The following NACC2 variants were observed in gnomAD, a reference collection of about 807,000 sequenced individuals.
NACC2 encodes the protein NACC family member 2.
Under a neutral mutation model 25.1 loss-of-function variants are expected in NACC2, and 8 were observed. The ratio of observed to expected loss-of-function variants is 0.32; its 90% CI spans 0.19 to 0.57. The LOEUF is 0.57. Ranked by LOEUF, NACC2 falls within the 20% of genes least tolerant of loss-of-function variation. NACC2 has a pLI of 0.89. For synonymous variants in NACC2, 435 were observed against 294.7 expected (o/e 1.48, Z -4.88); for missense variants, 644 against 650.2 (o/e 0.99, Z 0.10).
At chr9:136,062,394 C>A (rs1280528752) in intron 1 of NACC2, among the ~76,000 whole-genome samples, 1 of 152,142 alleles carries the variant, frequency 6.6e-6, no homozygotes, top group Non-Finnish European at 1.5e-5. Context: ...AGATTTCTCT[C>A]TATAGAAAAG....
intron 1 of NACC2, among the ~76,000 whole-genome samples, chr9:136,073,373 T>G (rs1275233888): frequency 6.6e-6 from 1 of 152,044 alleles, no homozygotes; most frequent in Non-Finnish European, 1.5e-5. Flanking sequence ...AAGGCTGCAG[T>G]GAGCTGTGGT....
chr9:136,094,306 C>T (rs184767764), intron 1 of NACC2, among the ~76,000 whole-genome samples: 3 of 152,174 alleles, frequency 2.0e-5, no homozygotes, highest in Admixed American at 1.3e-4. Context: ...GGCCTCGCGG[C>T]CTTCAGACCC....
In NACC2 at chr9:136,022,681, G is replaced by A. The variant is rs1431825394; in HGVS notation, c.887-6252C>T. On this transcript the variant is annotated intron_variant, in intron 2 of 5. Transcript: ENST00000277554. The surrounding 1 kb of genome is among the most constrained non-coding windows in gnomAD (Gnocchi z 4.4). ...CCCCAGGGCCTGGCACACAGCATGC[G>A]CCTAACACACAGGGCCCATCAACTA... Among the ~76,000 whole-genome samples, 1 of 152,106 alleles carries A rather than the reference G, an allele frequency of 6.6e-6. No individual in the cohort carries two copies. Among genetic ancestry groups the A allele is most frequent in the East Asian group, 1.9e-4 (1 of 5,166 alleles).
At chr9:136,046,019 G>A (rs928456435) in intron 2 of NACC2, among the ~76,000 whole-genome samples, 1 of 152,202 alleles carries the variant, frequency 6.6e-6, no homozygotes, top group Admixed American at 6.5e-5. Flanking sequence ...GAATGCAGCC[G>A]CACCCTGGGG....
chr9:136,051,570 C>T (rs1588572433), intron 1 of NACC2, among the ~76,000 whole-genome samples: 1 of 151,958 alleles, frequency 6.6e-6, no homozygotes, highest in Admixed American at 6.6e-5. Flanking sequence ...GCACAAAGGC[C>T]GCTGTGTCCC....
rs763409492 is a variant in NACC2 at position 136,009,696 on chromosome 9, G to C, written c.*1820C>G. 6.6e-6 allele frequency: 1 copy of C among 152,302 alleles called. No homozygotes were observed. The allele number at this position is 152,302 out of a possible 1,614,324, so 9.4% of individuals were successfully genotyped here. On this transcript the variant is annotated 3_prime_UTR_variant, in exon 6 of 6. Transcript: ENST00000277554. ...GAAAGGAGCCGCCCAGTGGGAATGC[G>C]TCTAACCCACACCCTGTAGGTCCCC... is the stretch of plus-strand genomic sequence containing the variant.
chr9:136,022,884 A>G lies in NACC2; in HGVS notation c.887-6455T>C, dbSNP rs1260317301. Among the ~76,000 whole-genome samples the G allele has an allele frequency of 1.3e-5, 2 of 148,226 alleles. No individual in the cohort carries two copies. The highest frequency in any genetic ancestry group is 4.1e-4 in the East Asian group (2 of 4,922). The stretch of plus-strand genomic sequence containing the variant: ...CACGCCATAACTGGGAAGGCAAACC[A>G]TCACCAATTACCACGCCATGCCACG... On this transcript the variant is annotated intron_variant, in intron 2 of 5. Coordinates refer to ENST00000277554, the MANE Select transcript of NACC2 (RefSeq NM_144653.5). This position sits in a 1 kb window ranked among gnomAD's most constrained non-coding sequence, Gnocchi z 4.4.
At chr9:136,065,976 C>T (rs1277608293) in intron 1 of NACC2, among the ~76,000 whole-genome samples, 9 of 151,848 alleles carry the variant, frequency 5.9e-5, no homozygotes, top group Non-Finnish European at 4.4e-5. Flanking sequence ...GGTGGATAAC[C>T]TGAGGTCAGG....
rs142724330 is a variant in NACC2, at chr9:136,068,878, G to A, written c.-59-18298C>T. On this transcript the variant is annotated intron_variant, in intron 1 of 5. Coordinates refer to ENST00000277554, the MANE Select transcript of NACC2 (RefSeq NM_144653.5). The stretch of plus-strand genomic sequence containing the variant: ...ATCAATAATTCCATTAAATGTAAAT[G>A]ATCTAAATACACCCATTAAAAGACA... Among the ~76,000 whole-genome samples the A allele has an allele frequency of 3.5e-3, 528 of 150,056 alleles. 4 individuals are homozygous for A. Among genetic ancestry groups the A allele is most frequent in the Non-Finnish European group, 5.9e-3 (396 of 67,658 alleles).
intron 1 of NACC2, among the ~76,000 whole-genome samples, chr9:136,093,835 C>T (rs1830457797): frequency 6.6e-6 from 1 of 152,064 alleles, no homozygotes. Flanking sequence ...GGGGCGGGGG[C>T]TGCCTGAACC....
chr9:136,075,078 T>G (rs973376636), intron 1 of NACC2, among the ~76,000 whole-genome samples: 2 of 152,210 alleles, frequency 1.3e-5, no homozygotes, highest in African/African-American at 4.8e-5. Context: ...TGGTTCTGCG[T>G]GAAATGAGCC....
At chr9:136,038,651 T>C (rs983681071) in intron 2 of NACC2, among the ~76,000 whole-genome samples, 1 of 152,252 alleles carries the variant, frequency 6.6e-6, no homozygotes, top group Non-Finnish European at 1.5e-5. Context: ...GATTACTTTA[T>C]GGTAAAAATT....
chr9:136,047,821 T>C (rs1840753061), intron 2 of NACC2, among the ~76,000 whole-genome samples: 1 of 152,026 alleles, frequency 6.6e-6, no homozygotes, highest in South Asian at 2.1e-4. Flanking sequence ...CCAGGCGATG[T>C]GAGGGCTTAA....
intron 2 of NACC2, among the ~76,000 whole-genome samples, chr9:136,035,339 A>G (rs1840535455): frequency 6.6e-6 from 1 of 152,106 alleles, no homozygotes; most frequent in Non-Finnish European, 1.5e-5. Flanking sequence ...TGACGCACTG[A>G]GAAGGTTCCG....
chr9:136,093,972 G>A (rs1286231803), intron 1 of NACC2, among the ~76,000 whole-genome samples: 2 of 152,252 alleles, frequency 1.3e-5, no homozygotes, highest in Admixed American at 6.5e-5. Context: ...ACGAAAAGAG[G>A]GGTGGGTGAG....
Position 136,055,891 on chromosome 9 carries a change from GAGA to G in NACC2, c.-59-5314_-59-5312del, listed in dbSNP as rs1840917349. On this transcript the variant is annotated intron_variant, in intron 1 of 5. Coordinates refer to ENST00000277554, the MANE Select transcript of NACC2 (RefSeq NM_144653.5). The surrounding 1 kb of genome is among the most constrained non-coding windows in gnomAD (Gnocchi z 4.9). ...TCAATCGAAGGCGCTCCTGGAGCGT[GAGA>G]AGGTGTGGGGATGGGGCGGGCCTGC... Among the ~76,000 whole-genome samples the G allele has an allele frequency of 6.6e-6, 1 of 152,188 alleles. No individual in the cohort carries two copies. The highest frequency in any genetic ancestry group is 1.5e-5 in the Non-Finnish European group (1 of 68,048).
At chr9:136,079,713 TGCA>T (rs1830301414) in intron 1 of NACC2, among the ~76,000 whole-genome samples, 1 of 152,192 alleles carries the variant, frequency 6.6e-6, no homozygotes, top group African/African-American at 2.4e-5. Context: ...GGAGCGTGGC[TGCA>T]GAAGCCAGAT....
chr9:136,042,945 G>C (rs948411706), intron 2 of NACC2, among the ~76,000 whole-genome samples: 30 of 142,184 alleles, frequency 2.1e-4, no homozygotes, highest in African/African-American at 6.9e-4. Flanking sequence ...GAGACAGACA[G>C]ACACACACAG....
In NACC2 at chr9:136,082,794, C is replaced by T. The variant is rs1830337686; in HGVS notation, c.-60+12395G>A. Among the ~76,000 whole-genome samples, 4 of 152,366 alleles carry T rather than the reference C, an allele frequency of 2.6e-5. No individual in the cohort carries two copies. In the South Asian group the frequency reaches 6.2e-4, roughly 24 times the overall value. On this transcript the variant is annotated intron_variant, in intron 1 of 5. Transcript: ENST00000277554. ...GCTGGCTCTTGGCCAGCGGATCCCA[C>T]AGACGCCCCGTTCTCTGGGTGTTGA...
Sources: gnomAD v4.1 joint callset for allele counts (sites outside exome capture counted in the v4.1 genomes callset) on GRCh38, gnomAD v4.1.1 for gene constraint, Gnocchi (gnomAD v3.1) non-coding constraint, MANE v1.5 for transcripts, NCBI Gene and HGNC (gene_info 2026-07-23, HGNC 2026-07-21) for gene names.